The following ST7 variants were observed in gnomAD, a reference collection of about 807,000 sequenced individuals.
ST7 encodes suppressor of tumorigenicity 7 protein.
In ST7, 28 loss-of-function variants were observed where a neutral mutation model predicts 78.7. The ratio of observed to expected loss-of-function variants is 0.36; its 90% CI spans 0.26 to 0.49. The LOEUF (loss-of-function observed/expected upper bound fraction) is 0.49. Ranked by LOEUF, ST7 falls within the 20% of genes least tolerant of loss-of-function variation. The probability of loss-of-function intolerance (pLI) is 0.99; values close to 1 mark genes in which losing one functional copy is unlikely to be tolerated. For missense variants in ST7, 418 were observed against 696.0 expected, an observed-to-expected ratio of 0.60 and a Z score of 4.49; for synonymous variants, 247 against 249.6, an observed-to-expected ratio of 0.99 and a Z score of 0.10.
intron 1 of ST7, among the ~76,000 whole-genome samples, chr7:117,017,846 C>G (rs1450637158): frequency 6.6e-6 from 1 of 152,072 alleles, no homozygotes; most frequent in African/African-American, 2.4e-5. Flanking sequence ...TTAGAAATGC[C>G]TCAGGCCTCC....
At chr7:117,140,105 GT>G (rs1324073984) in intron 9 of ST7, among the ~76,000 whole-genome samples, 1 of 152,084 alleles carries the variant, frequency 6.6e-6, no homozygotes. Flanking sequence ...TTAATTTCAG[GT>G]TTTTTCTGTC....
At position 116,979,574 on chromosome 7, in the gene ST7, A is replaced by T. The variant is rs571864240; in HGVS notation, c.151+25883A>T. The stretch of plus-strand genomic sequence containing the variant: ...ATAGTCTTCATCTTTTCTTTCCTTT[A>T]TATACGTTAAGTTACTAAATCCCAT... On this transcript the variant is annotated intron_variant, in intron 1 of 15. Transcript: ENST00000323984. Among the ~76,000 whole-genome samples the T allele has an allele frequency of 1.8e-4, 27 of 152,216 alleles. No homozygotes were observed. The South Asian group carries it at 5.4e-3, about 30-fold the overall frequency.
intron 2 of ST7, among the ~76,000 whole-genome samples, chr7:117,102,721 T>A (rs1017391697): frequency 3.3e-5 from 5 of 151,766 alleles, no homozygotes; most frequent in Non-Finnish European, 5.9e-5. Flanking sequence ...GAGAAAGTAA[T>A]GAAAAGGGGA....
chr7:116,953,517 G>C lies in ST7; in HGVS notation c.-24G>C. The stretch of plus-strand genomic sequence containing the variant: ...CATCCCGGCAGACACCAAGAGCCGC[G>C]GCAGCAGAGAGGAGCGCTGAAACAT... On this transcript the variant is annotated 5_prime_UTR_variant, in exon 1 of 16. Transcript: ENST00000323984. The C allele has an allele frequency of 7.6e-7, 1 of 1,321,746 alleles. No homozygotes were observed. The highest frequency in any genetic ancestry group is 1.8e-5 in the South Asian group (1 of 55,292). 81.9% of individuals were successfully genotyped at this position (1,321,746 alleles called of 1,614,324 possible).
At chr7:117,154,884 C>A (rs142925709) in intron 9 of ST7, among the ~76,000 whole-genome samples, 1 of 151,720 alleles carries the variant, frequency 6.6e-6, no homozygotes, top group Non-Finnish European at 1.5e-5. Flanking sequence ...GGTGATGGGC[C>A]GTGGGCTCTA....
At chr7:117,163,341 T>G (rs754400286) in intron 9 of ST7, among the ~76,000 whole-genome samples, 3 of 152,200 alleles carry the variant, frequency 2.0e-5, no homozygotes, top group Admixed American at 6.5e-5. Flanking sequence ...GTGGTTTTTT[T>G]GAAGAACCTC....
At chr7:116,997,961 G>A (rs1181446190) in intron 1 of ST7, among the ~76,000 whole-genome samples, 2 of 152,270 alleles carry the variant, frequency 1.3e-5, no homozygotes, top group Non-Finnish European at 2.9e-5. Context: ...GGGGCTGCAG[G>A]TGGAGCTGCC....
Position 117,088,238 on chromosome 7 carries a change from T to G in ST7, c.152-11524T>G, listed in dbSNP as rs75750954. On this transcript the variant is annotated intron_variant, in intron 1 of 15. Transcript: ENST00000323984. ...AGTAATGTTTACTTCCTCTAGATTT[T>G]ATCTGTACTTCTCTTCTGAGATGTT... Among the ~76,000 whole-genome samples, 32 of 152,336 alleles carry G rather than the reference T, an allele frequency of 2.1e-4. No individual in the cohort carries two copies. In the East Asian group the frequency reaches 6.2e-3, roughly 29 times the overall value.
rs907977429 is a variant in ST7, at chr7:116,988,783, A to G, written c.151+35092A>G. On this transcript the variant is annotated intron_variant, in intron 1 of 15. Transcript: ENST00000323984. ...CAGGAATGGAGATGTTGTTACTTGA[A>G]TTGACTATCCAACTTGCCTCAGACT... Among the ~76,000 whole-genome samples the G allele has an allele frequency of 2.6e-5, 4 of 152,360 alleles. No individual in the cohort carries two copies. The East Asian group carries it at 5.8e-4, about 22-fold the overall frequency.
chr7:117,200,549 T>C (rs980522108), intron 12 of ST7, among the ~76,000 whole-genome samples: 2 of 152,114 alleles, frequency 1.3e-5, no homozygotes, highest in African/African-American at 4.8e-5. Flanking sequence ...CAGTAAACCA[T>C]CTGCTGTCCT....
At chr7:117,202,659 C>T (rs1810986715) in intron 12 of ST7, among the ~76,000 whole-genome samples, 1 of 152,172 alleles carries the variant, frequency 6.6e-6, no homozygotes. Context: ...TAATTTCCAT[C>T]TGTTCCCTGT....
chr7:117,136,018 C>T lies in ST7; in HGVS notation c.711-63C>T. ...AACTCCTTGCCTTTCTGCATGAGCT[C>T]CTACAGTCTATTACCATGTCCTTGG... On this transcript the variant is annotated intron_variant, in intron 7 of 15. Transcript: ENST00000323984. 5.7e-6 allele frequency: 9 copies of T among 1,568,556 alleles called. No individual in the cohort carries two copies. The Middle Eastern group carries it at 5.1e-4, about 89-fold the overall frequency.
At chr7:117,027,666 T>G (rs1196649426) in intron 1 of ST7, among the ~76,000 whole-genome samples, 2 of 152,160 alleles carry the variant, frequency 1.3e-5, no homozygotes, top group Admixed American at 1.3e-4. Context: ...GAGGATTGTT[T>G]GAGCCCAGGA....
intron 1 of ST7, among the ~76,000 whole-genome samples, chr7:117,056,936 A>T (rs571669775): frequency 6.6e-6 from 1 of 152,200 alleles, no homozygotes; most frequent in Admixed American, 6.5e-5. Context: ...ATTCCTTTAC[A>T]TCAAGGTCAC....
At chr7:117,026,966 G>A (rs1796214894) in intron 1 of ST7, among the ~76,000 whole-genome samples, 1 of 152,230 alleles carries the variant, frequency 6.6e-6, no homozygotes, top group Non-Finnish European at 1.5e-5. Flanking sequence ...GTCAGGGTTG[G>A]CAAATGCCAG....
chr7:117,212,611 CAGGT>C (rs1792382656), intron 13 of ST7, among the ~76,000 whole-genome samples: 1 of 151,928 alleles, frequency 6.6e-6, no homozygotes, highest in African/African-American at 2.4e-5. Flanking sequence ...AAATAAATAA[CAGGT>C]ATGTATAAAT....
chr7:116,983,954 C>T (rs1053826003), intron 1 of ST7, among the ~76,000 whole-genome samples: 3 of 152,226 alleles, frequency 2.0e-5, no homozygotes, highest in African/African-American at 7.2e-5. Flanking sequence ...GCTAAGCTCT[C>T]ATCTATTTGT....
chr7:117,053,262 T>C lies in ST7; in HGVS notation c.152-46500T>C, dbSNP rs192625765. ...TCTACTCCAGGCAGCTATAGAATAA[T>C]GATCAGGGCATCAGAACAATTGCAC... On this transcript the variant is annotated intron_variant, in intron 1 of 15. Coordinates refer to ENST00000323984, the MANE Select transcript of ST7 (RefSeq NM_001369598.1). Among the ~76,000 whole-genome samples the C allele has an allele frequency of 2.8e-4, 42 of 152,296 alleles. 1 individual carries two copies. The highest frequency in any genetic ancestry group is 8.5e-4 in the Admixed American group (13 of 15,300).
At chr7:117,066,980 A>G (rs760093220) in intron 1 of ST7, among the ~76,000 whole-genome samples, 18 of 152,114 alleles carry the variant, frequency 1.2e-4, no homozygotes, top group Non-Finnish European at 2.4e-4. Flanking sequence ...TAGAAATTTT[A>G]TATAAATGGA....
Sources: gnomAD v4.1 joint callset for allele counts (sites outside exome capture counted in the v4.1 genomes callset) on GRCh38, gnomAD v4.1.1 for gene constraint, MANE v1.5 for transcripts, NCBI Gene and HGNC (gene_info 2026-07-23, HGNC 2026-07-21) for gene names.